Variants in TUSC1 observed in about 807,000 individuals in gnomAD.
TUSC1 encodes the protein tumor suppressor candidate gene 1 protein.
TUSC1 carries 8 observed loss-of-function variants against 5.2 expected under a neutral mutation model. The observed-to-expected ratio is 1.54, with a 90% CI of 0.90 to 2.77. TUSC1 has a LOEUF of 2.77. Among genes scored for constraint, TUSC1 ranks in the 30% most tolerant of loss-of-function variants. The probability of loss-of-function intolerance (pLI) is 0.00; values close to 1 mark genes in which losing one functional copy is unlikely to be tolerated. For missense variants in TUSC1, 442 were observed against 324.2 expected, an observed-to-expected ratio of 1.36 and a Z score of -2.79; for synonymous variants, 192 against 144.2, an observed-to-expected ratio of 1.33 and a Z score of -2.37.
chr9:25,678,370 G>C lies in TUSC1; in HGVS notation c.-58C>G, dbSNP rs1177232885. 2 of 1,338,956 alleles carry C rather than the reference G, an allele frequency of 1.5e-6. No individual in the cohort carries two copies. Among genetic ancestry groups the C allele is most frequent in the South Asian group, 3.5e-5 (2 of 56,748 alleles). 82.9% of individuals were successfully genotyped at this position (1,338,956 alleles called of 1,614,324 possible). ...GGGCTGAGGGGCCGCGCGGCCAGGC[G>C]CGGGCAAGTTCGGGGCTGGCAGGGC... On this transcript the variant is annotated 5_prime_UTR_variant, in exon 1 of 1. Coordinates refer to ENST00000358022, the MANE Select transcript of TUSC1 (RefSeq NM_001004125.3).
In TUSC1 at chr9:25,677,967, C is replaced by T. The variant is rs1226286659; in HGVS notation, c.346G>A (p.Gly116Ser). Residue 116 changes from glycine (G) to serine (S), a missense_variant, in exon 1 of 1, where the codon GGC becomes AGC. Gly to Ser is a moderately conservative substitution (Grantham distance 56, BLOSUM62 0). Coordinates refer to ENST00000358022, the MANE Select transcript of TUSC1 (RefSeq NM_001004125.3). ...GCGGGCGTCCCGTTGCCGCCTTCGC[C>T]GGGGAGCCGCAAAGCCTGACGGAAG... ...SLFRQALRLP[G>S]EGGNGTPAEA... 4 of 1,549,582 alleles carry T rather than the reference C, an allele frequency of 2.6e-6. No individual in the cohort carries two copies. The highest frequency in any genetic ancestry group is 2.7e-5 in the African/African-American group (2 of 73,638).
chr9:25,677,665 C>T lies in TUSC1; in HGVS notation c.*18G>A, dbSNP rs1417022893. 1.3e-6 allele frequency: 2 copies of T among 1,492,186 alleles called. No individual in the cohort carries two copies. The highest frequency in any genetic ancestry group is 2.5e-5 in the East Asian group (1 of 40,340). The allele number at this position is 1,492,186 out of a possible 1,614,324, so 92.4% of individuals were successfully genotyped here. ...GGGGCCCGCTCGAGGCTCCGCCTCTCACCGGCTGCGGCCTCGGCTACAGCC... is the reference window on the plus strand; with the variant it reads ...GGGGCCCGCTCGAGGCTCCGCCTCTTACCGGCTGCGGCCTCGGCTACAGCC... On this transcript the variant is annotated 3_prime_UTR_variant, in exon 1 of 1. Transcript: ENST00000358022.
At position 25,677,831 on chromosome 9, in the gene TUSC1, A is replaced by G. The variant is rs1416364098; in HGVS notation, c.482T>C (p.Leu161Pro). 1 of 1,596,318 alleles carries G rather than the reference A, an allele frequency of 6.3e-7. No individual in the cohort carries two copies. Among genetic ancestry groups the G allele is most frequent in the Non-Finnish European group, 8.5e-7 (1 of 1,173,404 alleles). ...CAGGGCCCGGCGGTACATGGCTTCCAGCTTCTCAAGTCGGGCCCTCAGGGC... is the reference window on the plus strand; with the variant it reads ...CAGGGCCCGGCGGTACATGGCTTCCGGCTTCTCAAGTCGGGCCCTCAGGGC... The part of the protein sequence containing the change: ...PRALRARLEK[L>P]EAMYRRALLQ... Residue 161 changes from leucine (L) to proline (P), a missense_variant, in exon 1 of 1, where the codon CTG (leucine) becomes CCG (proline). Physicochemically the swap from Leu to Pro is moderately conservative, Grantham distance 98 (BLOSUM62 -3). Coordinates refer to ENST00000358022, the MANE Select transcript of TUSC1 (RefSeq NM_001004125.3).
chr9:25,678,257 C>T lies in TUSC1; in HGVS notation c.56G>A (p.Gly19Asp), dbSNP rs780819378. 22 of 1,449,798 alleles carry T rather than the reference C, an allele frequency of 1.5e-5. No homozygotes were observed. In the Admixed American group the frequency reaches 5.2e-4, roughly 34 times the overall value. 89.8% of individuals were successfully genotyped at this position (1,449,798 alleles called of 1,614,324 possible). Reference sequence around the variant, plus strand: ...GCCTGGCCCTCGGCCGTCCGCAGCACCGTCCCCGCCGCAGCAACTCCCGCG... The same window carrying T: ...GCCTGGCCCTCGGCCGTCCGCAGCATCGTCCCCGCCGCAGCAACTCCCGCG... ...TRRGSCCGGD[G>D]AADGRGPGRS... The change falls in exon 1 of 1, where the codon GGT (glycine) becomes GAT (aspartate). Residue 19 changes from glycine (G) to aspartate (D), a missense_variant. Transcript: ENST00000358022.
In TUSC1 at chr9:25,677,553, G is replaced by C. The variant is rs1258113443; in HGVS notation, c.*130C>G. The C allele has an allele frequency of 7.0e-7, 1 of 1,424,850 alleles. No homozygotes were observed. Among genetic ancestry groups the C allele is most frequent in the Non-Finnish European group, 9.2e-7 (1 of 1,091,424 alleles). 88.3% of individuals were successfully genotyped at this position (1,424,850 alleles called of 1,614,324 possible). Reference sequence around the variant, plus strand: ...CCCGGAAGTGTCCACTGGTGGGGGCGGGAAGGCACCGTAGTCCAAGGTATC... The same window carrying C: ...CCCGGAAGTGTCCACTGGTGGGGGCCGGAAGGCACCGTAGTCCAAGGTATC... On this transcript the variant is annotated 3_prime_UTR_variant, in exon 1 of 1. Coordinates refer to ENST00000358022, the MANE Select transcript of TUSC1 (RefSeq NM_001004125.3).
chr9:25,677,826 C>T lies in TUSC1; in HGVS notation c.487G>A (p.Ala163Thr), dbSNP rs779780169. Residue 163 changes from alanine (A) to threonine (T), a missense_variant, in exon 1 of 1, where the codon GCC (alanine) becomes ACC (threonine). Physicochemically the swap from Ala to Thr is moderately conservative, Grantham distance 58. Transcript: ENST00000358022. ...TGCAGCAGGGCCCGGCGGTACATGG[C>T]TTCCAGCTTCTCAAGTCGGGCCCTC... is the stretch of plus-strand genomic sequence containing the variant. ...ALRARLEKLEAMYRRALLQLH... is the reference protein window; with the variant it reads ...ALRARLEKLETMYRRALLQLH... 1 of 1,595,556 alleles carries T rather than the reference C, an allele frequency of 6.3e-7. No homozygotes were observed. The highest frequency in any genetic ancestry group is 8.5e-7 in the Non-Finnish European group (1 of 1,172,894).
In TUSC1 at chr9:25,677,913, T is replaced by G; in HGVS notation, c.400A>C (p.Ser134Arg). ...AEARRVPEEA[S>R]TNRRARDSGR... Reference sequence around the variant, plus strand: ...CTGTCTCTAGCCCTCCGGTTCGTGCTGGCCTCTTCAGGGACCCGGCGTGCC... The same window carrying G: ...CTGTCTCTAGCCCTCCGGTTCGTGCGGGCCTCTTCAGGGACCCGGCGTGCC... Residue 134 changes from serine to arginine, a missense_variant, in exon 1 of 1, where the codon AGC (serine) becomes CGC (arginine). Transcript: ENST00000358022. The G allele has an allele frequency of 6.3e-7, 1 of 1,576,844 alleles. No homozygotes were observed. Among genetic ancestry groups the G allele is most frequent in the East Asian group, 2.3e-5 (1 of 43,192 alleles).
chr9:25,677,436 G>T lies in TUSC1; in HGVS notation c.*247C>A. On this transcript the variant is annotated 3_prime_UTR_variant, in exon 1 of 1. Coordinates refer to ENST00000358022, the MANE Select transcript of TUSC1 (RefSeq NM_001004125.3). ...GCTAGGCCTCTCTCCAGGGAAACTA[G>T]CCGGGGCAAGAGGCAGGGGAACTGT... 1.7e-6 allele frequency: 1 copy of T among 581,466 alleles called. No homozygotes were observed. Among genetic ancestry groups the T allele is most frequent in the Non-Finnish European group, 2.8e-6 (1 of 363,292 alleles). The allele number at this position is 581,466 out of a possible 1,614,324, so 36.0% of individuals were successfully genotyped here. A position where few individuals can be genotyped will look rare whatever the true frequency, so the allele number is the denominator to read the frequency against.
In TUSC1 at chr9:25,677,532, G is replaced by A; in HGVS notation, c.*151C>T. ...CAAGCGGATGGCCAAGCGCCACCCG[G>A]AAGTGTCCACTGGTGGGGGCGGGAA... On this transcript the variant is annotated 3_prime_UTR_variant, in exon 1 of 1. Transcript: ENST00000358022. 1 of 1,392,136 alleles carries A rather than the reference G, an allele frequency of 7.2e-7. No individual in the cohort carries two copies. Among genetic ancestry groups the A allele is most frequent in the Non-Finnish European group, 9.4e-7 (1 of 1,062,234 alleles). 86.2% of individuals were successfully genotyped at this position (1,392,136 alleles called of 1,614,324 possible). A position where few individuals can be genotyped will look rare whatever the true frequency, so the allele number is the denominator to read the frequency against.
rs759435492 is a variant in TUSC1 at position 25,677,748 on chromosome 9, G to C, written c.565C>G (p.Pro189Ala). 6.3e-7 allele frequency: 1 copy of C among 1,578,628 alleles called. No individual in the cohort carries two copies. Among genetic ancestry groups the C allele is most frequent in the African/African-American group, 1.3e-5 (1 of 74,288 alleles). Residue 189 changes from proline (P) to alanine (A), a missense_variant, in exon 1 of 1, where the codon CCT (proline) becomes GCT (alanine). Pro to Ala is a conservative substitution (Grantham distance 27, BLOSUM62 -1). Coordinates refer to ENST00000358022, the MANE Select transcript of TUSC1 (RefSeq NM_001004125.3). ...AGGCCGGAGTCGGGTTCCTGTAGAGGCTGCTCCTCCTTGTCCCCGCTCGGA... is the reference window on the plus strand; with the variant it reads ...AGGCCGGAGTCGGGTTCCTGTAGAGCCTGCTCCTCCTTGTCCCCGCTCGGA... ...PRPSGDKEEQ[P>A]LQEPDSGLRS...
chr9:25,678,196 G>A lies in TUSC1; in HGVS notation c.117C>T (p.Ser39=). 2 of 1,373,008 alleles carry A rather than the reference G, an allele frequency of 1.5e-6. No homozygotes were observed. The highest frequency in any genetic ancestry group is 1.9e-6 in the Non-Finnish European group (2 of 1,070,312). The allele number at this position is 1,373,008 out of a possible 1,614,324, so 85.1% of individuals were successfully genotyped here. A position where few individuals can be genotyped will look rare whatever the true frequency, so the allele number is the denominator to read the frequency against. Reference sequence around the variant, plus strand: ...GCCAGCCCACGCCGCCGCCGCCGCCGCTGGGGCTGCCCCCACCACGAGCCC... The same window carrying A: ...GCCAGCCCACGCCGCCGCCGCCGCCACTGGGGCTGCCCCCACCACGAGCCC... ...SGRARGGGSP[S]GGGGGVGWRG... is the part of the protein sequence containing the mutation. Residue 39 remains serine, a synonymous_variant, in exon 1 of 1, where the codon AGC becomes AGT. Coordinates refer to ENST00000358022, the MANE Select transcript of TUSC1 (RefSeq NM_001004125.3).
chr9:25,677,939 T>TCC lies in TUSC1; in HGVS notation c.372_373dup (p.Glu125GlyfsTer31). ...GGCCTCTTCAGGGACCCGGCGTGCC[T>TCC]CCGCGGGCGTCCCGTTGCCGCCTTC... is the stretch of plus-strand genomic sequence containing the variant. On this transcript the variant is annotated frameshift_variant, in exon 1 of 1. Transcript: ENST00000358022. LOFTEE classifies it low-confidence loss of function (END_TRUNC). 2 of 1,553,414 alleles carry TCC rather than the reference T, an allele frequency of 1.3e-6. No homozygotes were observed. The highest frequency in any genetic ancestry group is 8.7e-7 in the Non-Finnish European group (1 of 1,153,956).
In TUSC1 at chr9:25,677,970, G is replaced by T. The variant is rs781514766; in HGVS notation, c.343C>A (p.Pro115Thr). ...RSLFRQALRL[P>T]GEGGNGTPAE... ...GGCGTCCCGTTGCCGCCTTCGCCGG[G>T]GAGCCGCAAAGCCTGACGGAAGAGG... Residue 115 changes from proline (P) to threonine (T), a missense_variant, in exon 1 of 1, where the codon CCC (proline) becomes ACC (threonine). Pro to Thr is a conservative substitution (Grantham distance 38). Coordinates refer to ENST00000358022, the MANE Select transcript of TUSC1 (RefSeq NM_001004125.3). 5.8e-6 allele frequency: 9 copies of T among 1,551,044 alleles called. No homozygotes were observed.
Position 25,677,955 on chromosome 9 carries a change from T to C in TUSC1, c.358A>G (p.Asn120Asp), listed in dbSNP as rs34498078. The C allele has an allele frequency of 0.93, 1,448,622 of 1,551,602 alleles. 677,277 individuals carry two copies. Among genetic ancestry groups the C allele is most frequent in the African/African-American group, 0.99 (72,766 of 73,748 alleles). ...QALRLPGEGG[N>D]GTPAEARRVP... ...CGGCGTGCCTCCGCGGGCGTCCCGT[T>C]GCCGCCTTCGCCGGGGAGCCGCAAA... Residue 120 changes from asparagine to aspartate, a missense_variant, in exon 1 of 1, where the codon AAC (asparagine) becomes GAC (aspartate). By Grantham distance (23) the Asn-to-Asp change is conservative. Transcript: ENST00000358022.
At position 25,677,648 on chromosome 9, in the gene TUSC1, C is replaced by G. The variant is rs556751065; in HGVS notation, c.*35G>C. On this transcript the variant is annotated 3_prime_UTR_variant, in exon 1 of 1. Coordinates refer to ENST00000358022, the MANE Select transcript of TUSC1 (RefSeq NM_001004125.3). ...CTGGGAACGGAGGAGGAGGGGCCCG[C>G]TCGAGGCTCCGCCTCTCACCGGCTG... 20 of 1,465,044 alleles carry G rather than the reference C, an allele frequency of 1.4e-5. No individual in the cohort carries two copies. Among genetic ancestry groups the G allele is most frequent in the East Asian group, 5.0e-5 (2 of 40,220 alleles). The allele number at this position is 1,465,044 out of a possible 1,614,324, so 90.8% of individuals were successfully genotyped here. A position where few individuals can be genotyped will look rare whatever the true frequency, so the allele number is the denominator to read the frequency against.
chr9:25,678,320 A>C lies in TUSC1; in HGVS notation c.-8T>G, dbSNP rs1014871579. 2.8e-6 allele frequency: 4 copies of C among 1,441,310 alleles called. No individual in the cohort carries two copies. The highest frequency in any genetic ancestry group is 5.6e-5 in the Admixed American group (2 of 35,798). The allele number at this position is 1,441,310 out of a possible 1,614,324, so 89.3% of individuals were successfully genotyped here. On this transcript the variant is annotated 5_prime_UTR_variant, in exon 1 of 1. It removes an upstream start codon present in the reference 5' UTR. Transcript: ENST00000358022. ...ACCACGCATGCGCCACATCGGTCCC[A>C]TCCCAACCGCGCCGCCAGCCCCGTG...
Position 25,677,922 on chromosome 9 carries a change from C to T in TUSC1, c.391G>A (p.Glu131Lys). The T allele has an allele frequency of 6.4e-7, 1 of 1,568,734 alleles. No homozygotes were observed. Among genetic ancestry groups the T allele is most frequent in the Non-Finnish European group, 8.6e-7 (1 of 1,161,076 alleles). ...GCCCTCCGGTTCGTGCTGGCCTCTT[C>T]AGGGACCCGGCGTGCCTCCGCGGGC... is the stretch of plus-strand genomic sequence containing the variant. ...GTPAEARRVP[E>K]EASTNRRARD... Residue 131 changes from glutamate (E) to lysine (K), a missense_variant, in exon 1 of 1, where the codon GAA (glutamate) becomes AAA (lysine). Glu to Lys is a moderately conservative substitution (Grantham distance 56). Transcript: ENST00000358022.
In TUSC1 at chr9:25,677,403, C is replaced by G. The variant is rs1819059847; in HGVS notation, c.*280G>C. On this transcript the variant is annotated 3_prime_UTR_variant, in exon 1 of 1. Coordinates refer to ENST00000358022, the MANE Select transcript of TUSC1 (RefSeq NM_001004125.3). ...CTCGCTGTTTTAAAATCCGTCCCTT[C>G]GTTGTTGGCTAGGCCTCTCTCCAGG... 1 of 449,300 alleles carries G rather than the reference C, an allele frequency of 2.2e-6. No homozygotes were observed. Among genetic ancestry groups the G allele is most frequent in the African/African-American group, 2.0e-5 (1 of 49,434 alleles). 27.8% of individuals were successfully genotyped at this position (449,300 alleles called of 1,614,324 possible).
chr9:25,677,498 G>T lies in TUSC1; in HGVS notation c.*185C>A. The T allele has an allele frequency of 8.4e-7, 1 of 1,183,490 alleles. No homozygotes were observed. The highest frequency in any genetic ancestry group is 1.1e-6 in the Non-Finnish European group (1 of 873,012). The allele number at this position is 1,183,490 out of a possible 1,614,324, so 73.3% of individuals were successfully genotyped here. On this transcript the variant is annotated 3_prime_UTR_variant, in exon 1 of 1. Coordinates refer to ENST00000358022, the MANE Select transcript of TUSC1 (RefSeq NM_001004125.3). Reference sequence around the variant, plus strand: ...GTCCTGAGGGCCCTTGCACCCACTCGACCTCCACCAAGCGGATGGCCAAGC... The same window carrying T: ...GTCCTGAGGGCCCTTGCACCCACTCTACCTCCACCAAGCGGATGGCCAAGC...
Sources: allele counts gnomAD v4.1 joint callset, GRCh38; gene constraint gnomAD v4.1.1; transcripts MANE v1.5; gene names NCBI Gene and HGNC (gene_info 2026-07-23, HGNC 2026-07-21).